Variants in TENM4 observed in about 807,000 individuals in gnomAD.
TENM4 encodes teneurin transmembrane protein 4.
In TENM4, 82 loss-of-function variants were observed where a neutral mutation model predicts 243.3. The ratio of observed to expected loss-of-function variants is 0.34; its 90% confidence interval spans 0.28 to 0.40. The LOEUF (loss-of-function observed/expected upper bound fraction) is 0.40, where lower values mean the gene tolerates loss of function less well. TENM4 is among the 10% of genes least tolerant of loss of function. TENM4 has a pLI of 1.00. For missense variants in TENM4, 3,138 were observed against 3,673.3 expected, an observed-to-expected ratio of 0.85 and a Z score of 3.77; for synonymous variants, 1,412 against 1,456.3, an observed-to-expected ratio of 0.97 and a Z score of 0.69.
intron 2 of TENM4, among the ~76,000 whole-genome samples, chr11:79,239,093 G>C (rs915038877): frequency 6.6e-6 from 1 of 152,192 alleles, no homozygotes; most frequent in African/African-American, 2.4e-5. Context: ...TGCAGAGACA[G>C]CTCTGGTTGC....
intron 25 of TENM4, among the ~76,000 whole-genome samples, chr11:78,719,818 C>T (rs1859604290): frequency 6.6e-6 from 1 of 152,194 alleles, no homozygotes. Flanking sequence ...GACAAACCTA[C>T]TCTGGGACAA....
chr11:79,174,362 G>T (rs1411557232), intron 3 of TENM4, among the ~76,000 whole-genome samples: 1 of 152,008 alleles, frequency 6.6e-6, no homozygotes, highest in African/African-American at 2.4e-5. Context: ...GAAAGACTGG[G>T]CTGGAATTTT....
At chr11:78,713,525 G>C (rs1010954120) in intron 25 of TENM4, among the ~76,000 whole-genome samples, 1 of 152,194 alleles carries the variant, frequency 6.6e-6, no homozygotes, top group South Asian at 2.1e-4. Context: ...CACAGGATTT[G>C]CAATCAGAAC....
At chr11:79,204,957 G>A (rs1010210884) in intron 3 of TENM4, among the ~76,000 whole-genome samples, 5 of 152,132 alleles carry the variant, frequency 3.3e-5, no homozygotes, top group African/African-American at 1.2e-4. Flanking sequence ...CCAAACGATA[G>A]CATCTATTGT....
intron 4 of TENM4, among the ~76,000 whole-genome samples, chr11:79,088,468 C>T (rs955518585): frequency 1.3e-5 from 2 of 152,096 alleles, no homozygotes; most frequent in Non-Finnish European, 2.9e-5. Flanking sequence ...AGCCAAGGTT[C>T]GACTCCCAGC....
intron 6 of TENM4, among the ~76,000 whole-genome samples, chr11:78,941,003 T>C (rs1856881347): frequency 6.6e-6 from 1 of 152,212 alleles, no homozygotes; most frequent in Non-Finnish European, 1.5e-5. Context: ...ATTGCCTCAC[T>C]TTGTCAAGTG....
intron 19 of TENM4, among the ~76,000 whole-genome samples, chr11:78,753,075 A>G (rs763851255): frequency 3.2e-4 from 49 of 152,178 alleles, no homozygotes; most frequent in Non-Finnish European, 6.3e-4. Flanking sequence ...TAAGTGAACA[A>G]TTTAGGAATT....
At chr11:79,421,615 G>C (rs1316862543) in intron 1 of TENM4, among the ~76,000 whole-genome samples, 1 of 151,714 alleles carries the variant, frequency 6.6e-6, no homozygotes, top group Non-Finnish European at 1.5e-5. Flanking sequence ...TAAAATGCTT[G>C]AAAGAGAGTC....
chr11:79,423,231 C>A (rs1858973325), intron 1 of TENM4, among the ~76,000 whole-genome samples: 1 of 152,134 alleles, frequency 6.6e-6, no homozygotes, highest in Non-Finnish European at 1.5e-5. Flanking sequence ...AGGCACCCTG[C>A]CAGATCCTTT....
At chr11:79,424,392 A>C (rs929598298) in intron 1 of TENM4, among the ~76,000 whole-genome samples, 1 of 152,214 alleles carries the variant, frequency 6.6e-6, no homozygotes, top group Non-Finnish European at 1.5e-5. Context: ...ACTTAAACTC[A>C]TGAGTTCGAG....
intron 21 of TENM4, among the ~76,000 whole-genome samples, chr11:78,730,921 C>T (rs1266853070): frequency 6.6e-6 from 1 of 152,150 alleles, no homozygotes; most frequent in African/African-American, 2.4e-5. Flanking sequence ...CTGGTGAGCC[C>T]CTGGCATGAC....
intron 6 of TENM4, among the ~76,000 whole-genome samples, chr11:78,937,194 G>A (rs1231340765): frequency 6.6e-6 from 1 of 152,038 alleles, no homozygotes; most frequent in African/African-American, 2.4e-5. Flanking sequence ...GGAAAGAGAG[G>A]GTCTGGTAGA....
chr11:79,395,631 G>A (rs975585435), intron 1 of TENM4, among the ~76,000 whole-genome samples: 3 of 152,190 alleles, frequency 2.0e-5, no homozygotes, highest in Non-Finnish European at 4.4e-5. Context: ...ATGGCTCCCA[G>A]AAGGTATAGC....
intron 18 of TENM4, among the ~76,000 whole-genome samples, chr11:78,763,167 T>G (rs1177983483): frequency 6.6e-6 from 1 of 152,232 alleles, no homozygotes; most frequent in Non-Finnish European, 1.5e-5. Flanking sequence ...TCAAATTTTC[T>G]GTAAAACCCT....
At chr11:79,230,043 C>T (rs1864346275) in intron 2 of TENM4, among the ~76,000 whole-genome samples, 1 of 150,978 alleles carries the variant, frequency 6.6e-6, no homozygotes, top group Non-Finnish European at 1.5e-5. Context: ...GCTATGTTTC[C>T]CAGGCTGGTT....
At chr11:79,175,444 A>G (rs1468597157) in intron 3 of TENM4, among the ~76,000 whole-genome samples, 1 of 152,212 alleles carries the variant, frequency 6.6e-6, no homozygotes, top group Non-Finnish European at 1.5e-5. Flanking sequence ...AACAATCTAA[A>G]TGTCTAACAG....
intron 3 of TENM4, among the ~76,000 whole-genome samples, chr11:79,173,010 C>T (rs1037425544): frequency 6.6e-6 from 1 of 152,158 alleles, no homozygotes; most frequent in African/African-American, 2.4e-5. Context: ...AGTAATTTTT[C>T]CAAAATGTAA....
At chr11:79,163,188 G>A (rs1233559077) in intron 3 of TENM4, among the ~76,000 whole-genome samples, 1 of 152,148 alleles carries the variant, frequency 6.6e-6, no homozygotes, top group South Asian at 2.1e-4. Context: ...GTGAGAGGGA[G>A]AGTGAGAGAA....
chr11:79,412,602 T>C (rs1159648284), intron 1 of TENM4, among the ~76,000 whole-genome samples: 7 of 152,228 alleles, frequency 4.6e-5, no homozygotes. Flanking sequence ...CCTTACTTCC[T>C]AGGTTTGTAA....
Sources: gnomAD v4.1 joint callset for allele counts (sites outside exome capture counted in the v4.1 genomes callset) on GRCh38, gnomAD v4.1.1 for gene constraint, MANE v1.5 for transcripts, NCBI Gene and HGNC (gene_info 2026-07-23, HGNC 2026-07-21) for gene names.